The following CSMD1 variants were observed in gnomAD, a reference collection of about 807,000 sequenced individuals.
The protein encoded by CSMD1 is CUB and Sushi multiple domains 1.
CSMD1 carries 213 observed loss-of-function variants against 417.5 expected under a neutral mutation model. The observed-to-expected ratio is 0.51, with a 90% CI of 0.46 to 0.57. CSMD1 has a LOEUF of 0.57. CSMD1 is among the 20% of genes least tolerant of loss of function. CSMD1 has a pLI of 0.00. For missense variants in CSMD1, 6,923 were observed against 4,529.7 expected (o/e 1.53, Z -15.17); for synonymous variants, 2,862 against 1,736.8 (o/e 1.65, Z -16.11).
intron 8 of CSMD1, among the ~76,000 whole-genome samples, chr8:3,601,117 C>G (rs928618610): frequency 6.6e-6 from 1 of 152,168 alleles, no homozygotes; most frequent in African/African-American, 2.4e-5. Flanking sequence ...TCCTGTATAT[C>G]ACTGCTAGAT....
intron 10 of CSMD1, among the ~76,000 whole-genome samples, chr8:3,495,508 T>C (rs926079865): frequency 2.0e-5 from 3 of 152,202 alleles, no homozygotes; most frequent in East Asian, 1.9e-4. Context: ...GAGAAAGTCT[T>C]TGTCAGTATT....
intron 4 of CSMD1, among the ~76,000 whole-genome samples, chr8:4,004,082 A>G (rs1815914272): frequency 1.3e-5 from 2 of 152,204 alleles, no homozygotes; most frequent in South Asian, 4.1e-4. Flanking sequence ...TCTGTGAAAA[A>G]GCAGAACAAA....
chr8:4,427,085 TG>T (rs915082567), intron 2 of CSMD1, among the ~76,000 whole-genome samples: 8 of 152,116 alleles, frequency 5.3e-5, no homozygotes, highest in African/African-American at 1.9e-4. Flanking sequence ...AGAGCACAGG[TG>T]GCTGTGGCTC....
intron 5 of CSMD1, among the ~76,000 whole-genome samples, chr8:3,933,337 G>A (rs551381566): frequency 6.6e-6 from 1 of 152,180 alleles, no homozygotes; most frequent in Non-Finnish European, 1.5e-5. Context: ...TAAATTACTT[G>A]AACCATTAAG....
intron 5 of CSMD1, among the ~76,000 whole-genome samples, chr8:3,971,691 T>C (rs1041721499): frequency 2.1e-4 from 32 of 152,250 alleles, no homozygotes; most frequent in African/African-American, 7.0e-4. Context: ...GGAGAAAGGA[T>C]GCAAGGATAC....
intron 17 of CSMD1, among the ~76,000 whole-genome samples, chr8:3,394,570 T>C (rs1014282551): frequency 6.6e-6 from 1 of 152,162 alleles, no homozygotes; most frequent in Admixed American, 6.5e-5. Flanking sequence ...AAAATAATTA[T>C]TCTCTGAAGT....
intron 1 of CSMD1, among the ~76,000 whole-genome samples, chr8:4,967,037 G>T (rs756750526): frequency 3.9e-5 from 6 of 152,070 alleles, no homozygotes; most frequent in African/African-American, 1.4e-4. Flanking sequence ...ACCAGACATC[G>T]CAGTGTTCTC....
chr8:3,848,367 A>T (rs1449882095), intron 5 of CSMD1, among the ~76,000 whole-genome samples: 1 of 150,914 alleles, frequency 6.6e-6, no homozygotes, highest in Non-Finnish European at 1.5e-5. Flanking sequence ...CTAGAAAAAG[A>T]CTCATTTTTT....
chr8:4,120,723 T>A lies in CSMD1; in HGVS notation c.416-88624A>T, dbSNP rs546553571. 7.2e-5 allele frequency among the ~76,000 whole-genome samples: 11 copies of A among 152,322 alleles called. No homozygotes were observed. In the East Asian group the frequency reaches 1.9e-3, roughly 27 times the overall value. Reference sequence around the variant, plus strand: ...CATATTCAGAAACACTCCAGGCTCATGCAGAGAATGTCAGGCTCAGAATGT... The same window carrying A: ...CATATTCAGAAACACTCCAGGCTCAAGCAGAGAATGTCAGGCTCAGAATGT... On this transcript the variant is annotated intron_variant, in intron 3 of 69. Transcript: ENST00000635120.
intron 3 of CSMD1, among the ~76,000 whole-genome samples, chr8:4,414,082 G>A (rs1370932455): frequency 6.6e-6 from 1 of 152,196 alleles, no homozygotes; most frequent in East Asian, 1.9e-4. Context: ...CATGCTCCAT[G>A]CTTTAATTCA....
At chr8:3,542,211 C>A (rs978579073) in intron 10 of CSMD1, among the ~76,000 whole-genome samples, 2 of 151,940 alleles carry the variant, frequency 1.3e-5, no homozygotes, top group Admixed American at 1.3e-4. Flanking sequence ...TGATACTTAC[C>A]TCTTATTAAT....
intron 7 of CSMD1, among the ~76,000 whole-genome samples, chr8:3,658,462 T>TAGTATATA (rs1430107245): frequency 2.2e-5 from 1 of 44,752 alleles, no homozygotes; most frequent in South Asian, 9.1e-4. Context: ...AATATATATA[T>TAGTATATA]TGTGTATATA....
rs528256601 is a variant in CSMD1, at chr8:4,140,220, T to A, written c.416-108121A>T. The stretch of plus-strand genomic sequence containing the variant: ...CAAAACAAATAAACAAAAATTCATC[T>A]GGATATGAAGGCTCAGCCTGTCATC... On this transcript the variant is annotated intron_variant, in intron 3 of 69. Transcript: ENST00000635120. Among the ~76,000 whole-genome samples the A allele has an allele frequency of 1.3e-3, 149 of 119,188 alleles. 10 individuals carry two copies. The highest frequency in any genetic ancestry group is 3.9e-3 in the African/African-American group (146 of 37,346). 78.2% of individuals were successfully genotyped at this position (119,188 alleles called of 152,430 possible).
At chr8:4,235,745 GA>G (rs1309608182) in intron 3 of CSMD1, among the ~76,000 whole-genome samples, 1 of 152,018 alleles carries the variant, frequency 6.6e-6, no homozygotes, top group East Asian at 1.9e-4. Flanking sequence ...GTGTAATGAG[GA>G]AAAAATGTGT....
At chr8:4,070,933 G>C (rs905472343) in intron 3 of CSMD1, among the ~76,000 whole-genome samples, 1 of 152,072 alleles carries the variant, frequency 6.6e-6, no homozygotes, top group Non-Finnish European at 1.5e-5. Context: ...TCTATGGATG[G>C]CCTCCATGGT....
intron 3 of CSMD1, among the ~76,000 whole-genome samples, chr8:4,033,143 A>AC (rs1797438399): frequency 2.0e-5 from 3 of 150,416 alleles, no homozygotes; most frequent in South Asian, 4.2e-4. Context: ...AAAAAAAAAA[A>AC]AAAAAAAAAA....
intron 2 of CSMD1, among the ~76,000 whole-genome samples, chr8:4,464,668 A>G (rs1010434098): frequency 2.0e-5 from 3 of 152,158 alleles, no homozygotes; most frequent in Non-Finnish European, 4.4e-5. Context: ...GGCCGCCTGT[A>G]GTCAATCCTG....
At chr8:4,651,466 G>A (rs887766787) in intron 1 of CSMD1, among the ~76,000 whole-genome samples, 3 of 152,064 alleles carry the variant, frequency 2.0e-5, no homozygotes, top group African/African-American at 7.2e-5. Flanking sequence ...GTCATATACT[G>A]GTGGGGGGAG....
intron 48 of CSMD1, among the ~76,000 whole-genome samples, chr8:3,089,072 C>T (rs1814741282): frequency 6.6e-6 from 1 of 152,248 alleles, no homozygotes; most frequent in African/African-American, 2.4e-5. Context: ...ACATGAAGGG[C>T]CCTACAGGGG....
Sources: gnomAD v4.1 joint callset for allele counts (sites outside exome capture counted in the v4.1 genomes callset) on GRCh38, gnomAD v4.1.1 for gene constraint, MANE v1.5 for transcripts, NCBI Gene and HGNC (gene_info 2026-07-23, HGNC 2026-07-21) for gene names.